The following ANK2 variants were observed in gnomAD, a reference collection of about 807,000 sequenced individuals.
The protein encoded by ANK2 is ankyrin 2.
In ANK2, 83 loss-of-function variants were observed where a neutral mutation model predicts 360.5. That is an observed-to-expected ratio of 0.23 (90% CI 0.19 to 0.28). The LOEUF (loss-of-function observed/expected upper bound fraction) is 0.28, where lower values mean the gene tolerates loss of function less well. Among genes scored for constraint, ANK2 ranks in the 10% least tolerant of loss-of-function variants. ANK2 has a pLI of 1.00. For missense variants in ANK2, 4,201 were observed against 4,795.7 expected (o/e 0.88, Z 3.66); for synonymous variants, 1,740 against 1,759.5 (o/e 0.99, Z 0.28).
intron 1 of ANK2, among the ~76,000 whole-genome samples, chr4:112,830,551 A>G (rs1211102750): frequency 6.6e-6 from 1 of 152,176 alleles, no homozygotes; most frequent in South Asian, 2.1e-4. Context: ...ATCGGTTACT[A>G]TGGTTATTAC....
intron 39 of ANK2, among the ~76,000 whole-genome samples, chr4:113,361,756 T>C (rs1589115195): frequency 6.6e-6 from 1 of 152,022 alleles, no homozygotes; most frequent in Non-Finnish European, 1.5e-5. Context: ...ACTTAACTAA[T>C]TCGGGGTTTT....
chr4:113,336,068 G>A lies in ANK2; in HGVS notation c.3591+11G>A, dbSNP rs766648543. 1 of 1,612,588 alleles carries A rather than the reference G, an allele frequency of 6.2e-7. No homozygotes were observed. The highest frequency in any genetic ancestry group is 8.5e-7 in the Non-Finnish European group (1 of 1,179,270). On this transcript the variant is annotated intron_variant, in intron 30 of 45. Transcript: ENST00000357077. ...CGCGTAGGCCTGCAGGTATGCCCAT[G>A]TTAGATGCAAATGATCCTAACAGGA...
At chr4:112,740,463 G>C in the ANK2 span, among the ~76,000 whole-genome samples, 1 of 152,042 alleles carries the variant, frequency 6.6e-6, no homozygotes, top group Non-Finnish European at 1.5e-5. Flanking sequence ...TCAGCACTTT[G>C]GGAGGCCGAG....
intron 2 of ANK2, among the ~76,000 whole-genome samples, chr4:112,949,083 T>C (rs1363948677): frequency 6.6e-6 from 1 of 152,148 alleles, no homozygotes; most frequent in Non-Finnish European, 1.5e-5. Context: ...CATTTACTGT[T>C]GGGGTCCTTT....
chr4:113,142,157 G>A (rs889492330), intron 1 of ANK2, among the ~76,000 whole-genome samples: 4 of 152,138 alleles, frequency 2.6e-5, no homozygotes, highest in Non-Finnish European at 4.4e-5. Flanking sequence ...CAGAGATCCC[G>A]ACTGTCTACT....
intron 1 of ANK2, chr4:113,145,987 A>G (rs1379195859): frequency 3.1e-6 from 4 of 1,289,654 alleles, no homozygotes; most frequent in African/African-American, 1.5e-5. Context: ...GAGGACGTCA[A>G]AGAACCTGGA....
chr4:113,194,881 G>C (rs369832559), intron 2 of ANK2, among the ~76,000 whole-genome samples: 4 of 151,966 alleles, frequency 2.6e-5, no homozygotes, highest in Non-Finnish European at 5.9e-5. Flanking sequence ...TTCCCATTTG[G>C]TATGCAGTAT....
At chr4:112,856,256 C>T (rs1265399077) in intron 1 of ANK2, among the ~76,000 whole-genome samples, 1 of 152,062 alleles carries the variant, frequency 6.6e-6, no homozygotes, top group Non-Finnish European at 1.5e-5. Context: ...AAAGTACACG[C>T]TTGAGGAAGG....
At chr4:112,931,975 T>C (rs1378045215) in intron 2 of ANK2, among the ~76,000 whole-genome samples, 1 of 152,214 alleles carries the variant, frequency 6.6e-6, no homozygotes, top group Non-Finnish European at 1.5e-5. Flanking sequence ...ATATTCATAC[T>C]TAAAAAGACA....
intron 18 of ANK2, among the ~76,000 whole-genome samples, chr4:113,283,436 G>C (rs989069765): frequency 6.6e-6 from 1 of 152,106 alleles, no homozygotes; most frequent in African/African-American, 2.4e-5. Flanking sequence ...TGAGAGGTTT[G>C]GTGGTGGTGG....
At chr4:113,246,581 G>C (rs571094228) in intron 9 of ANK2, among the ~76,000 whole-genome samples, 1 of 152,042 alleles carries the variant, frequency 6.6e-6, no homozygotes, top group African/African-American at 2.4e-5. Flanking sequence ...TTTAAATGTG[G>C]TGATACCGCA....
chr4:112,785,561 C>T, the ANK2 span, among the ~76,000 whole-genome samples: 6 of 151,916 alleles, frequency 3.9e-5, no homozygotes, highest in Non-Finnish European at 7.4e-5. Context: ...TTAATAGAGA[C>T]GGGGTTTCAC....
At position 113,171,718 on chromosome 4, in the gene ANK2, A is replaced by G. The variant is rs182393608; in HGVS notation, c.85-2698A>G. On this transcript the variant is annotated intron_variant, in intron 1 of 45. Coordinates refer to ENST00000357077, the MANE Select transcript of ANK2 (RefSeq NM_001148.6). ...TCTAAGGATTTGCTATAACTTTGAC[A>G]TGCATTCACTTTTTAAAAGTTTGAT... Among the ~76,000 whole-genome samples, 11 of 152,346 alleles carry G rather than the reference A, an allele frequency of 7.2e-5. No homozygotes were observed. The East Asian group carries it at 1.9e-3, about 27-fold the overall frequency.
chr4:112,768,963 C>A, the ANK2 span, among the ~76,000 whole-genome samples: 44 of 152,266 alleles, frequency 2.9e-4, no homozygotes, highest in South Asian at 1.9e-3. Context: ...CCTAACAAAT[C>A]ACCCCCAAAG....
Position 113,358,015 on chromosome 4 carries a change from C to A in ANK2, c.9397C>A (p.Gln3133Lys), listed in dbSNP as rs1386898346. The A allele has an allele frequency of 6.2e-7, 1 of 1,613,924 alleles. No individual in the cohort carries two copies. The highest frequency in any genetic ancestry group is 2.2e-5 in the East Asian group (1 of 44,842). Reference protein sequence around the residue: ...SYADESFHFFQIGQESREETL... With the variant: ...SYADESFHFFKIGQESREETL... ...TGCAGATGAAAGTTTTCACTTTTTC[C>A]AAATTGGTCAAGAATCCAGGGAAGA... The change falls in exon 38 of 46, where the codon CAA (glutamine) becomes AAA (lysine). Residue 3133 changes from glutamine to lysine, a missense_variant. Physicochemically the swap from Gln to Lys is moderately conservative, Grantham distance 53. Transcript: ENST00000357077.
Position 113,368,169 on chromosome 4 carries a change from G to A in ANK2, c.11318+318G>A, listed in dbSNP as rs1347022936. Among the ~76,000 whole-genome samples, 3 of 152,186 alleles carry A rather than the reference G, an allele frequency of 2.0e-5. No individual in the cohort carries two copies. The South Asian group carries it at 6.2e-4, about 32-fold the overall frequency. On this transcript the variant is annotated intron_variant, in intron 42 of 45. Coordinates refer to ENST00000357077, the MANE Select transcript of ANK2 (RefSeq NM_001148.6). ...CTTGACTCATCTCACAGGGTCAAAA[G>A]TGTGTTTATGAAAGCTTCATCTAAA...
chr4:112,904,636 T>C, intron 2 of ANK2: 1 of 682,904 alleles, frequency 1.5e-6, no homozygotes, highest in Non-Finnish European at 2.4e-6. Flanking sequence ...AAAGATGTTA[T>C]AGCATTAACA....
chr4:112,940,364 A>C (rs533264537), intron 2 of ANK2, among the ~76,000 whole-genome samples: 15 of 152,278 alleles, frequency 9.9e-5, no homozygotes, highest in African/African-American at 3.6e-4. Context: ...GAACTGTAGA[A>C]ATCACCTAAT....
At chr4:112,748,506 C>G in the ANK2 span, among the ~76,000 whole-genome samples, 1 of 152,134 alleles carries the variant, frequency 6.6e-6, no homozygotes, top group African/African-American at 2.4e-5. Context: ...TCACCTTTAC[C>G]TGATTTTTTT....
Sources: gnomAD v4.1 joint callset for allele counts (sites outside exome capture counted in the v4.1 genomes callset) on GRCh38, gnomAD v4.1.1 for gene constraint, MANE v1.5 for transcripts, NCBI Gene and HGNC (gene_info 2026-07-23, HGNC 2026-07-21) for gene names.